The following TAGLN2 variants were observed in gnomAD, a reference collection of about 807,000 sequenced individuals.
The protein encoded by TAGLN2 is transgelin 2.
TAGLN2 carries 14 observed loss-of-function variants against 24.9 expected under a neutral mutation model. The ratio of observed to expected loss-of-function variants is 0.56; its 90% CI spans 0.37 to 0.88. TAGLN2 has a LOEUF of 0.88. Among genes scored for constraint, TAGLN2 ranks in the 40% least tolerant of loss-of-function variants. The pLI is 0.00. For missense variants in TAGLN2, 208 were observed against 258.9 expected, an observed-to-expected ratio of 0.80 and a Z score of 1.35; for synonymous variants, 77 against 98.2, an observed-to-expected ratio of 0.78 and a Z score of 1.28.
chr1:159,921,330 T>C (rs1650525278), intron 1 of TAGLN2, among the ~76,000 whole-genome samples: 1 of 152,122 alleles, frequency 6.6e-6, no homozygotes, highest in South Asian at 2.1e-4. Context: ...AGGGCCTTAC[T>C]AACTGAAAGT....
At chr1:159,920,065 C>T (rs1226729010) in intron 2 of TAGLN2, 2 of 761,890 alleles carry the variant, frequency 2.6e-6, no homozygotes, top group Non-Finnish European at 4.6e-6. Flanking sequence ...TATACCCTCC[C>T]ACAGTTCTTT....
intron 1 of TAGLN2, among the ~76,000 whole-genome samples, chr1:159,922,349 GC>G (rs1026390778): frequency 6.6e-6 from 1 of 151,986 alleles, no homozygotes; most frequent in African/African-American, 2.4e-5. Flanking sequence ...AGAGCAACCC[GC>G]CCCCTCCACT....
In TAGLN2 at chr1:159,919,261, C is replaced by G; in HGVS notation, c.458+13G>C. ...CACCTGCTGGACCCTGCGGCTGTCC[C>G]AGCAATACTTACTTAGGGAACCAGT... On this transcript the variant is annotated intron_variant, in intron 4 of 4. Transcript: ENST00000368097. The G allele has an allele frequency of 6.2e-7, 1 of 1,612,694 alleles. No homozygotes were observed. The highest frequency in any genetic ancestry group is 8.5e-7 in the Non-Finnish European group (1 of 1,178,724).
chr1:159,920,138 C>T (rs760214065), intron 2 of TAGLN2, 192 bp downstream of exon 2: 3 of 945,906 alleles, frequency 3.2e-6, no homozygotes, highest in African/African-American at 3.2e-5. Flanking sequence ...CACATTCACC[C>T]TTACCCTCCA....
intron 1 of TAGLN2, chr1:159,923,573 C>T: frequency 7.9e-7 from 1 of 1,268,114 alleles, no homozygotes; most frequent in Admixed American, 2.5e-5. Context: ...GGAGAACTTC[C>T]CAACTCAGAT....
At chr1:159,919,105 C>T (rs970346207) in intron 4 of TAGLN2, 164 bp from the exon 5 acceptor site, 15 of 1,285,326 alleles carry the variant, frequency 1.2e-5, no homozygotes, top group Non-Finnish European at 1.5e-5. Context: ...TCCAAAGGGA[C>T]AGTCATTTGC....
At chr1:159,923,940 G>A (rs1341607823) in intron 1 of TAGLN2, among the ~76,000 whole-genome samples, 1 of 152,178 alleles carries the variant, frequency 6.6e-6, no homozygotes, top group African/African-American at 2.4e-5. Context: ...AGCAGTGCTC[G>A]GGTGTAGCCA....
intron 2 of TAGLN2, 63 bp downstream of exon 2, chr1:159,920,267 C>T (rs771868546): frequency 6.8e-6 from 11 of 1,612,958 alleles, no homozygotes; most frequent in Non-Finnish European, 9.3e-6. Flanking sequence ...TAAACAATCC[C>T]CAGTCCACTG....
At chr1:159,920,558 G>A (rs776931624) in intron 1 of TAGLN2, 21 bp from the exon 2 acceptor site, 1 of 1,604,410 alleles carries the variant, frequency 6.2e-7, no homozygotes, top group Non-Finnish European at 8.5e-7. Flanking sequence ...GACACACCCG[G>A]GCTTTTGGTC....
intron 1 of TAGLN2, chr1:159,924,519 GTAGCC>G (rs1311156774): frequency 6.6e-6 from 1 of 152,362 alleles, no homozygotes; most frequent in African/African-American, 2.4e-5. Context: ...CCGGCTTCAG[GTAGCC>G]CCAGGAGGCA....
At chr1:159,922,762 A>G (rs187376270) in intron 1 of TAGLN2, among the ~76,000 whole-genome samples, 50 of 152,318 alleles carry the variant, frequency 3.3e-4, no homozygotes, top group South Asian at 1.0e-3. Context: ...CACTGGGGTT[A>G]AGAGCAGAGA....
At chr1:159,920,662 A>G in intron 1 of TAGLN2, 125 bp from the exon 2 acceptor site, 1 of 1,458,132 alleles carries the variant, frequency 6.9e-7, no homozygotes, top group Non-Finnish European at 9.1e-7. Context: ...GATGAGGACC[A>G]GAACTGTTAC....
intron 1 of TAGLN2, among the ~76,000 whole-genome samples, chr1:159,924,075 C>T (rs796118649): frequency 1.3e-5 from 2 of 152,134 alleles, no homozygotes; most frequent in African/African-American, 4.8e-5. Context: ...GAGAAGAAAT[C>T]CCCTGGGAAG....
chr1:159,919,571 C>T lies in TAGLN2; in HGVS notation c.355+90G>A, dbSNP rs1480456234. 6.6e-6 allele frequency: 10 copies of T among 1,516,640 alleles called. No homozygotes were observed. The East Asian group carries it at 2.3e-4, about 34-fold the overall frequency. The allele number at this position is 1,516,640 out of a possible 1,614,324, so 93.9% of individuals were successfully genotyped here. On this transcript the variant is annotated intron_variant, in intron 3 of 4. Transcript: ENST00000368097. The stretch of plus-strand genomic sequence containing the variant: ...ACACCCCTCTTTCTCTGCAGGGAGC[C>T]AGAAAACAGCCCCTTCTGCCTGGTC...
intron 3 of TAGLN2, 65 bp downstream of exon 3, chr1:159,919,596 C>T: frequency 6.3e-7 from 1 of 1,583,572 alleles, no homozygotes; most frequent in African/African-American, 1.3e-5. Context: ...TCTGCCTGGT[C>T]AAGAGGGCCC....
chr1:159,922,444 G>A (rs1467535295), intron 1 of TAGLN2, among the ~76,000 whole-genome samples: 4 of 152,192 alleles, frequency 2.6e-5, no homozygotes, highest in Non-Finnish European at 5.9e-5. Flanking sequence ...TCAGCTTGGG[G>A]AAGGCAGGCG....
At chr1:159,923,474 T>C in intron 1 of TAGLN2, 2 of 1,548,862 alleles carry the variant, frequency 1.3e-6, no homozygotes, top group Non-Finnish European at 1.7e-6. Flanking sequence ...CGGACATGGG[T>C]GGGGGCAGGG....
chr1:159,923,636 G>C, intron 1 of TAGLN2: 1 of 607,948 alleles, frequency 1.6e-6, no homozygotes, highest in Non-Finnish European at 2.6e-6. Context: ...CCAGCCCACA[G>C]AGCGAGGTGC....
At position 159,919,331 on chromosome 1, in the gene TAGLN2, C is replaced by T; in HGVS notation, c.401G>A (p.Gly134Glu). 1 of 1,614,242 alleles carries T rather than the reference C, an allele frequency of 6.2e-7. No individual in the cohort carries two copies. Among genetic ancestry groups the T allele is most frequent in the Non-Finnish European group, 8.5e-7 (1 of 1,180,034 alleles). ...CVQRTLMNLG[G>E]LAVARDDGLF... ...CCCATCATCTCGGGCTACTGCCAGC[C>T]CACCCAGATTCATCAGCGTCCGCTG... Residue 134 changes from glycine to glutamate, a missense_variant, in exon 4 of 5, where the codon GGG becomes GAG. Gly to Glu is a moderately conservative substitution (Grantham distance 98). Transcript: ENST00000368097.
Sources: gnomAD v4.1 joint callset for allele counts (sites outside exome capture counted in the v4.1 genomes callset) on GRCh38, gnomAD v4.1.1 for gene constraint, MANE v1.5 for transcripts, NCBI Gene and HGNC (gene_info 2026-07-23, HGNC 2026-07-21) for gene names.